The following PPP2R3A variants were observed in gnomAD, a reference collection of about 807,000 sequenced individuals.
PPP2R3A encodes the protein protein phosphatase 2 regulatory subunit B''alpha, also known as serine/threonine-protein phosphatase 2A regulatory subunit B'' subunit alpha.
A neutral mutation model predicts 106.9 loss-of-function variants in PPP2R3A; 80 were observed. The observed-to-expected ratio is 0.75, with a 90% CI of 0.62 to 0.90. The LOEUF (loss-of-function observed/expected upper bound fraction) is 0.90, where lower values mean the gene tolerates loss of function less well. Among genes scored for constraint, PPP2R3A ranks in the 40% least tolerant of loss-of-function variants. The pLI, the probability that PPP2R3A is intolerant of heterozygous loss-of-function variation, is 0.00. For synonymous variants in PPP2R3A, 483 were observed against 468.3 expected, an observed-to-expected ratio of 1.03 and a Z score of -0.41; for missense variants, 1,386 against 1,350.4, an observed-to-expected ratio of 1.03 and a Z score of -0.41.
At chr3:136,130,692 G>A (rs922307375) in intron 13 of PPP2R3A, among the ~76,000 whole-genome samples, 5 of 152,158 alleles carry the variant, frequency 3.3e-5, no homozygotes, top group African/African-American at 7.2e-5. Flanking sequence ...AAAAGAGCCT[G>A]CATTGCCAAG....
chr3:136,030,086 CAT>C (rs1461357502), intron 3 of PPP2R3A, among the ~76,000 whole-genome samples: 6 of 152,046 alleles, frequency 3.9e-5, no homozygotes, highest in Non-Finnish European at 2.9e-5. Context: ...GGTGTAGTGA[CAT>C]GTGCCTGTGG....
At chr3:135,980,679 A>G (rs1390128022) in intron 1 of PPP2R3A, among the ~76,000 whole-genome samples, 1 of 151,888 alleles carries the variant, frequency 6.6e-6, no homozygotes, top group East Asian at 1.9e-4. Context: ...GGTATAGACC[A>G]TCTTGGCCAA....
rs1939138207 is a variant in PPP2R3A, at chr3:136,146,641, T to G, written c.*1475T>G. 1 of 152,236 alleles carries G rather than the reference T, an allele frequency of 6.6e-6. No individual in the cohort carries two copies. Among genetic ancestry groups the G allele is most frequent in the Non-Finnish European group, 1.5e-5 (1 of 68,034 alleles). The allele number at this position is 152,236 out of a possible 1,614,324, so 9.4% of individuals were successfully genotyped here. On this transcript the variant is annotated 3_prime_UTR_variant, in exon 14 of 14. Transcript: ENST00000264977. ...TTTATCTTCATGATTAGAACTGATC[T>G]TCCATTTAACTATTACAGAAAGCAG...
intron 4 of PPP2R3A, among the ~76,000 whole-genome samples, chr3:136,048,015 G>T (rs1375302888): frequency 2.0e-5 from 3 of 152,072 alleles, no homozygotes; most frequent in African/African-American, 7.2e-5. Flanking sequence ...CACTACCTGA[G>T]AGATGGATTC....
At chr3:136,057,148 C>CA (rs796353765) in intron 5 of PPP2R3A, among the ~76,000 whole-genome samples, 8 of 151,776 alleles carry the variant, frequency 5.3e-5, no homozygotes, top group South Asian at 2.1e-4. Flanking sequence ...TCATGCTACT[C>CA]AAAAAAACTA....
chr3:136,093,265 C>T (rs1937136287), intron 10 of PPP2R3A, among the ~76,000 whole-genome samples: 1 of 152,056 alleles, frequency 6.6e-6, no homozygotes, highest in African/African-American at 2.4e-5. Flanking sequence ...GAAATGTAAC[C>T]AGGCACAGCG....
chr3:136,039,961 G>A (rs1180712356), intron 3 of PPP2R3A, among the ~76,000 whole-genome samples: 1 of 151,968 alleles, frequency 6.6e-6, no homozygotes, highest in African/African-American at 2.4e-5. Flanking sequence ...GTAATCATTT[G>A]TGGTAGCCTC....
intron 2 of PPP2R3A, among the ~76,000 whole-genome samples, chr3:136,011,992 CAT>C (rs1251646402): frequency 3.6e-5 from 5 of 138,324 alleles, no homozygotes; most frequent in East Asian, 2.0e-4. Flanking sequence ...CACACACACA[CAT>C]ACACACACAC....
At position 136,041,256 on chromosome 3, in the gene PPP2R3A, TTTTTTG is replaced by T. The variant is rs1212185819; in HGVS notation, c.2366+300_2366+305del. Among the ~76,000 whole-genome samples the T allele has an allele frequency of 1.2e-4, 15 of 121,470 alleles. 1 individual carries two copies. The highest frequency in any genetic ancestry group is 3.1e-4 in the Admixed American group (4 of 12,914). 79.7% of individuals were successfully genotyped at this position (121,470 alleles called of 152,430 possible). A position where few individuals can be genotyped will look rare whatever the true frequency, so the allele number is the denominator to read the frequency against. On this transcript the variant is annotated intron_variant, in intron 4 of 13. Coordinates refer to ENST00000264977, the MANE Select transcript of PPP2R3A (RefSeq NM_002718.5). ...TTTTCTTGTTTTTTTTTTTGTTTTT[TTTTTTG>T]TTTTTTTTTTTTTGAGACAGAATGT...
chr3:136,100,070 T>C (rs936627059), intron 10 of PPP2R3A, among the ~76,000 whole-genome samples: 1 of 152,106 alleles, frequency 6.6e-6, no homozygotes, highest in Non-Finnish European at 1.5e-5. Context: ...CATCATGATA[T>C]TTCAAACTAC....
At chr3:136,102,342 C>CT (rs397874378) in intron 11 of PPP2R3A, among the ~76,000 whole-genome samples, 160 bp downstream of exon 11, 7,455 of 116,008 alleles carry the variant, frequency 0.064, 413 homozygotes, top group Non-Finnish European at 0.088. Context: ...AGTGTAGCAA[C>CT]TTTTTTTTTT....
chr3:136,064,891 A>G (rs996453281), intron 5 of PPP2R3A, among the ~76,000 whole-genome samples: 1 of 152,226 alleles, frequency 6.6e-6, no homozygotes, highest in Admixed American at 6.5e-5. Flanking sequence ...AAAACATTTT[A>G]GTTTATAGCA....
intron 2 of PPP2R3A, among the ~76,000 whole-genome samples, chr3:136,020,433 G>C (rs1307143943): frequency 6.6e-6 from 1 of 152,006 alleles, no homozygotes; most frequent in Non-Finnish European, 1.5e-5. Flanking sequence ...CTGATTTGTA[G>C]TTTTAGTTTC....
chr3:136,114,260 C>T (rs1177632621), intron 13 of PPP2R3A, among the ~76,000 whole-genome samples: 1 of 152,216 alleles, frequency 6.6e-6, no homozygotes, highest in African/African-American at 2.4e-5. Context: ...CCACAGTCTT[C>T]ACTACCCACA....
chr3:136,107,151 T>G (rs997158219), intron 13 of PPP2R3A, among the ~76,000 whole-genome samples: 8 of 152,078 alleles, frequency 5.3e-5, no homozygotes, highest in South Asian at 4.1e-4. Context: ...AATTTGCTGG[T>G]TTTTTCCATC....
intron 5 of PPP2R3A, among the ~76,000 whole-genome samples, chr3:136,069,208 T>TA (rs1267804691): frequency 6.6e-6 from 1 of 152,210 alleles, no homozygotes; most frequent in East Asian, 1.9e-4. Flanking sequence ...TGTGACTTGT[T>TA]ACCATTAAGG....
chr3:135,990,576 A>G (rs1472637162), intron 1 of PPP2R3A, among the ~76,000 whole-genome samples: 1 of 152,214 alleles, frequency 6.6e-6, no homozygotes, highest in Non-Finnish European at 1.5e-5. Flanking sequence ...TCCGTACTTA[A>G]TAAAAATAAA....
intron 2 of PPP2R3A, chr3:136,023,334 GGA>G: frequency 1.3e-6 from 1 of 753,500 alleles, no homozygotes; most frequent in Non-Finnish European, 2.1e-6. Context: ...ATTAGATCAA[GGA>G]ATTAATGTGT....
intron 13 of PPP2R3A, among the ~76,000 whole-genome samples, chr3:136,112,181 G>T (rs1252157627): frequency 6.6e-6 from 1 of 152,062 alleles, no homozygotes; most frequent in Non-Finnish European, 1.5e-5. Context: ...CCCACAGCCA[G>T]CGTCACAATG....
Sources: gnomAD v4.1 joint callset for allele counts (sites outside exome capture counted in the v4.1 genomes callset) on GRCh38, gnomAD v4.1.1 for gene constraint, MANE v1.5 for transcripts, NCBI Gene and HGNC (gene_info 2026-07-23, HGNC 2026-07-21) for gene names.